The following SIRT6 variants were observed in gnomAD, a reference collection of about 807,000 sequenced individuals.
SIRT6 encodes sirtuin 6.
A neutral mutation model predicts 33.6 loss-of-function variants in SIRT6; 21 were observed. The ratio of observed to expected loss-of-function variants is 0.62; its 90% CI spans 0.44 to 0.90. The LOEUF is 0.90. SIRT6 is among the 40% of genes least tolerant of loss of function. The pLI, the probability that SIRT6 is intolerant of heterozygous loss-of-function variation, is 0.00. For missense variants in SIRT6, 504 were observed against 510.6 expected, an observed-to-expected ratio of 0.99 and a Z score of 0.12; for synonymous variants, 221 against 223.9, an observed-to-expected ratio of 0.99 and a Z score of 0.12.
chr19:4,182,223 C>A, intron 1 of SIRT6: 1 of 496,098 alleles, frequency 2.0e-6, no homozygotes, highest in Middle Eastern at 5.3e-4. Context: ...CCCTTTGCGC[C>A]TGTCGTCCCC....
chr19:4,176,985 A>G, intron 4 of SIRT6, 94 bp downstream of exon 4: 3 of 933,000 alleles, frequency 3.2e-6, no homozygotes, highest in Non-Finnish European at 4.6e-6. Flanking sequence ...GCCACACCCC[A>G]GTCCCCCCAT....
rs1020749560 is a variant in SIRT6, at chr19:4,175,126, C to T, written c.640G>A (p.Gly214Ser). The change falls in exon 7 of 8, where the codon GGT becomes AGT. Residue 214 changes from glycine (G) to serine (S), a missense_variant. Coordinates refer to ENST00000337491, the MANE Select transcript of SIRT6 (RefSeq NM_016539.4). ...SRNADLSITL[G>S]TSLQIRPSGN... ...CTGGGCCGGATCTGCAGCGATGTAC[C>T]CAGCGTGATGGACAGGTCGGCGTTC... 1 of 1,601,410 alleles carries T rather than the reference C, an allele frequency of 6.2e-7. No individual in the cohort carries two copies. The highest frequency in any genetic ancestry group is 1.3e-5 in the African/African-American group (1 of 74,866).
Position 4,179,524 on chromosome 19 carries a change from CAG to C in SIRT6, c.195-240_195-239del. Reference sequence around the variant, plus strand: ...ATAAAGAGTTAAAGACAAAGCAAGTCAGAGACAGAATTGGAGAGAGACAGAGA... The same window carrying C: ...ATAAAGAGTTAAAGACAAAGCAAGTCAGACAGAATTGGAGAGAGACAGAGA... On this transcript the variant is annotated intron_variant, in intron 2 of 7. Transcript: ENST00000337491. 2 of 544,318 alleles carry C rather than the reference CAG, an allele frequency of 3.7e-6. 1 individual carries two copies. Among genetic ancestry groups the C allele is most frequent in the South Asian group, 5.1e-5 (2 of 39,356 alleles). The allele number at this position is 544,318 out of a possible 1,614,324, so 33.7% of individuals were successfully genotyped here. A position where few individuals can be genotyped will look rare whatever the true frequency, so the allele number is the denominator to read the frequency against.
chr19:4,176,154 A>C (rs1967292310), intron 4 of SIRT6, among the ~76,000 whole-genome samples: 1 of 152,210 alleles, frequency 6.6e-6, no homozygotes, highest in Admixed American at 6.5e-5. Context: ...ACTGTCCCAG[A>C]CAGACGAAGG....
intron 2 of SIRT6, chr19:4,179,562 CAGAG>C (rs138394764): frequency 3.4e-5 from 17 of 496,310 alleles, no homozygotes; most frequent in East Asian, 6.8e-5. Flanking sequence ...GAGGGAGAGG[CAGAG>C]AGAGAGAGAT....
chr19:4,174,655 G>T lies in SIRT6; in HGVS notation c.1030C>A (p.Pro344Thr), dbSNP rs980428045. The T allele has an allele frequency of 2.8e-6, 4 of 1,453,778 alleles. No individual in the cohort carries two copies. The highest frequency in any genetic ancestry group is 1.8e-4 in the Middle Eastern group (1 of 5,458). The allele number at this position is 1,453,778 out of a possible 1,614,324, so 90.1% of individuals were successfully genotyped here. ...ERPTSPAPHR[P>T]PKRVKAKAVP... The stretch of plus-strand genomic sequence containing the variant: ...GCCTTGGCCTTCACCCTTTTGGGGG[G>T]TCTGTGGGGGGCAGGGCTGGTGGGC... Residue 344 changes from proline to threonine, a missense_variant, in exon 8 of 8, where the codon CCC (proline) becomes ACC (threonine). Coordinates refer to ENST00000337491, the MANE Select transcript of SIRT6 (RefSeq NM_016539.4). The surrounding 1 kb of genome is among the most constrained non-coding windows in gnomAD (Gnocchi z 4.2).
chr19:4,176,514 G>C (rs1046621754), intron 4 of SIRT6, among the ~76,000 whole-genome samples: 2 of 152,162 alleles, frequency 1.3e-5, no homozygotes, highest in Non-Finnish European at 2.9e-5. Flanking sequence ...GCCTGAACCC[G>C]GGAGGCGGAG....
Position 4,175,887 on chromosome 19 carries a change from C to A in SIRT6, c.488G>T (p.Gly163Val). Residue 163 changes from glycine to valine, a missense_variant, in exon 5 of 8, where the codon GGC becomes GTC. Transcript: ENST00000337491. ...VVGTMGLKATGRLCTVAKARG... is the reference protein window; with the variant it reads ...VVGTMGLKATVRLCTVAKARG... Reference sequence around the variant, plus strand: ...TGCCTTAGCCACGGTGCAGAGCCGGCCCGTGGCCTTCAGGCCCATGGTGCC... The same window carrying A: ...TGCCTTAGCCACGGTGCAGAGCCGGACCGTGGCCTTCAGGCCCATGGTGCC... 1 of 1,568,650 alleles carries A rather than the reference C, an allele frequency of 6.4e-7. No homozygotes were observed. The highest frequency in any genetic ancestry group is 8.6e-7 in the Non-Finnish European group (1 of 1,157,124).
Position 4,174,574 on chromosome 19 carries a change from C to A in SIRT6, c.*43G>T. On this transcript the variant is annotated 3_prime_UTR_variant, in exon 8 of 8. Transcript: ENST00000337491. This position sits in a 1 kb window ranked among gnomAD's most constrained non-coding sequence, Gnocchi z 4.2. ...AGTGAGACCACGAGAGAAAAAGAAT[C>A]CACAGTTTCTACAAAAAGCCCCACC... The A allele has an allele frequency of 1.4e-6, 2 of 1,389,776 alleles. No individual in the cohort carries two copies. The highest frequency in any genetic ancestry group is 9.4e-7 in the Non-Finnish European group (1 of 1,059,068). 86.1% of individuals were successfully genotyped at this position (1,389,776 alleles called of 1,614,324 possible).
At chr19:4,181,626 A>C (rs1967675833) in intron 1 of SIRT6, among the ~76,000 whole-genome samples, 1 of 152,118 alleles carries the variant, frequency 6.6e-6, no homozygotes. Flanking sequence ...GCCTCTACTA[A>C]AAATACAAAA....
chr19:4,175,750 T>C lies in SIRT6; in HGVS notation c.544A>G (p.Arg182Gly). 6.3e-7 allele frequency: 1 copy of C among 1,583,768 alleles called. No individual in the cohort carries two copies. Among genetic ancestry groups the C allele is most frequent in the Non-Finnish European group, 8.6e-7 (1 of 1,164,984 alleles). ...TCCTCCCAGTCTAGGATGGTGTCCC[T>C]CAGCTCTCCCCTGCAATGAGGAAGC... Reference protein sequence around the residue: ...RGLRACRGELRDTILDWEDSL... With the variant: ...RGLRACRGELGDTILDWEDSL... Residue 182 changes from arginine (R) to glycine (G), a missense_variant, in exon 6 of 8, where the codon AGG (arginine) becomes GGG (glycine). Transcript: ENST00000337491.
Position 4,178,721 on chromosome 19 carries a change from T to C in SIRT6, c.377+383A>G, listed in dbSNP as rs1053284156. ...AAAATTAGCTGGGTGTGATGGCGCATGCCTGTAATCCCAGTTACTAGGGAG... is the reference window on the plus strand; with the variant it reads ...AAAATTAGCTGGGTGTGATGGCGCACGCCTGTAATCCCAGTTACTAGGGAG... On this transcript the variant is annotated intron_variant, in intron 3 of 7. Transcript: ENST00000337491. Among the ~76,000 whole-genome samples the C allele has an allele frequency of 7.9e-5, 12 of 152,182 alleles. No homozygotes were observed. The East Asian group carries it at 2.3e-3, about 30-fold the overall frequency.
chr19:4,182,433 G>T, intron 1 of SIRT6, 41 bp downstream of exon 1: 1 of 1,583,482 alleles, frequency 6.3e-7, no homozygotes, highest in East Asian at 2.4e-5. Flanking sequence ...CCCAGCCCGC[G>T]GCCCTGGGGC....
At chr19:4,176,026 AGGTGGG>A in intron 4 of SIRT6, 89 bp from the exon 5 acceptor site, 1 of 1,195,830 alleles carries the variant, frequency 8.4e-7, no homozygotes, top group Non-Finnish European at 1.2e-6. Context: ...TCTCCCAGGG[AGGTGGG>A]GGGTGGACAG....
intron 4 of SIRT6, among the ~76,000 whole-genome samples, chr19:4,176,219 T>C (rs149015626): frequency 2.4e-4 from 36 of 152,104 alleles, no homozygotes; most frequent in African/African-American, 7.2e-4. Context: ...ACAGGAACAA[T>C]TGGAGCATGG....
At chr19:4,179,868 A>G (rs1156736491) in intron 2 of SIRT6, among the ~76,000 whole-genome samples, 1 of 152,140 alleles carries the variant, frequency 6.6e-6, no homozygotes, top group Non-Finnish European at 1.5e-5. Context: ...GAAGGGGTAA[A>G]CAAAGGCCTG....
rs1278776752 is a variant in SIRT6, at chr19:4,179,383, G to A, written c.195-97C>T. ...AGGTATAGAGAGAAAGTTGGAGAGA[G>A]AGAAAATCAGGAGACAGAGAGAGAC... On this transcript the variant is annotated intron_variant, in intron 2 of 7. Transcript: ENST00000337491. The A allele has an allele frequency of 6.9e-6, 9 of 1,299,204 alleles. No individual in the cohort carries two copies. The Admixed American group carries it at 2.2e-4, about 32-fold the overall frequency. The allele number at this position is 1,299,204 out of a possible 1,614,324, so 80.5% of individuals were successfully genotyped here.
intron 4 of SIRT6, 92 bp from the exon 5 acceptor site, chr19:4,176,029 T>TG (rs1192665306): frequency 3.5e-6 from 4 of 1,151,982 alleles, no homozygotes; most frequent in African/African-American, 1.5e-5. Flanking sequence ...CCCAGGGAGG[T>TG]GGGGGGTGGA....
chr19:4,175,567 C>T (rs941688616), intron 6 of SIRT6, 113 bp downstream of exon 6: 2 of 1,081,346 alleles, frequency 1.8e-6, no homozygotes, highest in Admixed American at 2.9e-5. Flanking sequence ...CTCCAGGAAG[C>T]CTCCCCTCAC....
Sources: allele counts gnomAD v4.1 joint callset (sites outside exome capture counted in the v4.1 genomes callset), GRCh38; gene constraint gnomAD v4.1.1; non-coding constraint Gnocchi (gnomAD v3.1); transcripts MANE v1.5; gene names NCBI Gene and HGNC (gene_info 2026-07-23, HGNC 2026-07-21).